The following SIRT5 variants were observed in gnomAD, a reference collection of about 807,000 sequenced individuals.
SIRT5 encodes NAD-dependent protein deacylase sirtuin-5, mitochondrial.
Under a neutral mutation model 40.0 loss-of-function variants are expected in SIRT5, and 26 were observed. That is an observed-to-expected ratio of 0.65 (90% confidence interval 0.48 to 0.90). The LOEUF is 0.90. Ranked by LOEUF, SIRT5 falls within the 40% of genes least tolerant of loss-of-function variation. The pLI is 0.00. For missense variants in SIRT5, 401 were observed against 402.4 expected (o/e 1.00, Z 0.03); for synonymous variants, 146 against 149.1 (o/e 0.98, Z 0.15).
At chr6:13,599,232 T>C in intron 8 of SIRT5, 77 bp downstream of exon 8, 1 of 1,476,654 alleles carries the variant, frequency 6.8e-7, no homozygotes, top group Non-Finnish European at 9.2e-7. Flanking sequence ...CTCTTTTCCT[T>C]CCTCCCTCCC....
At chr6:13,608,023 AG>A (rs1435338717) in intron 9 of SIRT5, among the ~76,000 whole-genome samples, 9 of 152,194 alleles carry the variant, frequency 5.9e-5, no homozygotes, top group Non-Finnish European at 1.3e-4. Context: ...AGCTCCTAAA[AG>A]TGCTGGGATT....
At position 13,604,445 on chromosome 6, in the gene SIRT5, G is replaced by T. The variant is rs545486906; in HGVS notation, c.857+3496G>T. The T allele has an allele frequency of 1.1e-5, 14 of 1,310,926 alleles. No individual in the cohort carries two copies. In the South Asian group the frequency reaches 1.3e-4, roughly 12 times the overall value. The allele number at this position is 1,310,926 out of a possible 1,614,324, so 81.2% of individuals were successfully genotyped here. On this transcript the variant is annotated intron_variant, in intron 9 of 9. Coordinates refer to ENST00000606117, the MANE Select transcript of SIRT5 (RefSeq NM_012241.5). ...AAGCAGGACCTGAGCTATGTCCCCA[G>T]TTTGGTTCTTCTAATGTGGTTTCTT...
intron 7 of SIRT5, among the ~76,000 whole-genome samples, chr6:13,597,820 A>G (rs1761799915): frequency 6.6e-6 from 1 of 152,208 alleles, no homozygotes; most frequent in Non-Finnish European, 1.5e-5. Flanking sequence ...TGCTGGGATT[A>G]CAGGCGTGAA....
At chr6:13,576,984 T>C (rs1758715120) in intron 1 of SIRT5, among the ~76,000 whole-genome samples, 2 of 152,334 alleles carry the variant, frequency 1.3e-5, no homozygotes, top group Admixed American at 1.3e-4. Context: ...ATTTCTGGGC[T>C]TTCTATTCCT....
chr6:13,593,353 T>C (rs1761176681), intron 5 of SIRT5, among the ~76,000 whole-genome samples: 1 of 152,220 alleles, frequency 6.6e-6, no homozygotes, highest in Non-Finnish European at 1.5e-5. Context: ...TTCGACTGTG[T>C]CTGTCTTTTG....
intron 5 of SIRT5, among the ~76,000 whole-genome samples, chr6:13,592,331 C>T (rs898304268): frequency 6.6e-6 from 1 of 152,150 alleles, no homozygotes; most frequent in Non-Finnish European, 1.5e-5. Flanking sequence ...TGGAGGGGCA[C>T]GGTACTGTGA....
chr6:13,592,759 G>A (rs1761092400), intron 5 of SIRT5, among the ~76,000 whole-genome samples: 1 of 152,152 alleles, frequency 6.6e-6, no homozygotes, highest in Non-Finnish European at 1.5e-5. Flanking sequence ...CTTCTTTGCT[G>A]TCACCACAAA....
At chr6:13,608,830 T>C (rs1453947008) in intron 9 of SIRT5, among the ~76,000 whole-genome samples, 1 of 152,076 alleles carries the variant, frequency 6.6e-6, no homozygotes, top group Non-Finnish European at 1.5e-5. Context: ...GATTTTTTTT[T>C]TTTTTCTTTG....
chr6:13,611,738 C>T, intron 9 of SIRT5, 52 bp from the exon 10 acceptor site: 2 of 1,313,954 alleles, frequency 1.5e-6, no homozygotes, highest in Non-Finnish European at 2.2e-6. Context: ...GTAGGGCATT[C>T]ATTTTGCTAA....
Position 13,611,818 on chromosome 6 carries a change from ACT to A in SIRT5, c.889_890del (p.Leu297SerfsTer2), listed in dbSNP as rs769742783. 6 of 1,613,754 alleles carry A rather than the reference ACT, an allele frequency of 3.7e-6. No homozygotes were observed. The highest frequency in any genetic ancestry group is 5.1e-6 in the Non-Finnish European group (6 of 1,179,808). ...TCATTTCCAGGGACCCTGTGGAACG[ACT>A]CTTCCTGAAGCCCTTGCCTGTCATG... is the stretch of plus-strand genomic sequence containing the variant. ...RFHFQGPCGT[T>X]LPEALACHEN... On this transcript the variant is annotated frameshift_variant, in exon 10 of 10. Coordinates refer to ENST00000606117, the MANE Select transcript of SIRT5 (RefSeq NM_012241.5). LOFTEE classifies it high-confidence loss of function.
chr6:13,606,623 ATACTT>A (rs1562281392), intron 9 of SIRT5, among the ~76,000 whole-genome samples: 1 of 152,208 alleles, frequency 6.6e-6, no homozygotes, highest in Admixed American at 6.5e-5. Flanking sequence ...GGACACATAC[ATACTT>A]TAAACATTTT....
intron 2 of SIRT5, among the ~76,000 whole-genome samples, chr6:13,583,736 T>A (rs1328140861): frequency 6.6e-6 from 1 of 152,216 alleles, no homozygotes; most frequent in African/African-American, 2.4e-5. Context: ...AGTTTCTGAT[T>A]CAGCAGCTCT....
At chr6:13,580,154 G>A (rs1376744057) in intron 2 of SIRT5, among the ~76,000 whole-genome samples, 1 of 152,202 alleles carries the variant, frequency 6.6e-6, no homozygotes, top group Non-Finnish European at 1.5e-5. Flanking sequence ...ACTTTAGGCA[G>A]CCAGACAGCC....
chr6:13,589,175 T>C (rs776914032), intron 4 of SIRT5: 2 of 152,818 alleles, frequency 1.3e-5, no homozygotes, highest in Non-Finnish European at 2.9e-5. Flanking sequence ...TTTGCTCTTG[T>C]TGCCCAGGCT....
intron 1 of SIRT5, among the ~76,000 whole-genome samples, chr6:13,577,358 T>TA (rs1426016573): frequency 6.6e-6 from 1 of 152,152 alleles, no homozygotes; most frequent in African/African-American, 2.4e-5. Context: ...GTACAGGTCT[T>TA]ATATCTTTGG....
intron 2 of SIRT5, among the ~76,000 whole-genome samples, chr6:13,580,307 G>A (rs1193139543): frequency 6.6e-6 from 1 of 152,112 alleles, no homozygotes; most frequent in Non-Finnish European, 1.5e-5. Flanking sequence ...TTGCTTATTT[G>A]TAGGTGAGGT....
intron 2 of SIRT5, among the ~76,000 whole-genome samples, chr6:13,581,406 C>G (rs1370623713): frequency 6.6e-6 from 1 of 152,198 alleles, no homozygotes; most frequent in Non-Finnish European, 1.5e-5. Context: ...AAATTGCAGT[C>G]ATGAATGCCA....
At chr6:13,595,591 T>C (rs1234851295) in intron 6 of SIRT5, 27 bp downstream of exon 6, 1 of 1,520,150 alleles carries the variant, frequency 6.6e-7, no homozygotes, top group Admixed American at 1.7e-5. Flanking sequence ...ACAGAATAAG[T>C]ATAGGTTGTT....
At chr6:13,599,575 T>A (rs917704439) in intron 8 of SIRT5, among the ~76,000 whole-genome samples, 1 of 152,268 alleles carries the variant, frequency 6.6e-6, no homozygotes, top group African/African-American at 2.4e-5. Flanking sequence ...GTTAGCAGTT[T>A]AGTATGTTTT....
Sources: gnomAD v4.1 joint callset for allele counts (sites outside exome capture counted in the v4.1 genomes callset) on GRCh38, gnomAD v4.1.1 for gene constraint, MANE v1.5 for transcripts, NCBI Gene and HGNC (gene_info 2026-07-23, HGNC 2026-07-21) for gene names.